TBX18: variants seen among roughly 807,000 people sequenced by gnomAD.
The protein encoded by TBX18 is T-box transcription factor 18.
A neutral mutation model predicts 55.0 loss-of-function variants in TBX18; 21 were observed. The observed-to-expected ratio is 0.38, with a 90% confidence interval of 0.27 to 0.55. TBX18 has a LOEUF of 0.55. Among genes scored for constraint, TBX18 ranks in the 20% least tolerant of loss-of-function variants. TBX18 has a pLI of 0.73. For synonymous variants in TBX18, 342 were observed against 326.1 expected (o/e 1.05, Z -0.53); for missense variants, 840 against 799.6 (o/e 1.05, Z -0.61).
chr6:84,748,484 A>C (rs1210009626), intron 4 of TBX18, among the ~76,000 whole-genome samples: 1 of 152,238 alleles, frequency 6.6e-6, no homozygotes, highest in Non-Finnish European at 1.5e-5. Context: ...TCCCCTAAAA[A>C]ATAAGTATTC....
At chr6:84,760,380 G>A (rs1466324043) in intron 2 of TBX18, 24 bp from the exon 3 acceptor site, 3 of 1,569,632 alleles carry the variant, frequency 1.9e-6, no homozygotes, top group Non-Finnish European at 1.7e-6. Context: ...CGAAGAGAAA[G>A]AGGGTTTGGG....
intron 2 of TBX18, among the ~76,000 whole-genome samples, chr6:84,762,249 T>C (rs1029317980): frequency 2.0e-5 from 3 of 152,096 alleles, no homozygotes; most frequent in Non-Finnish European, 2.9e-5. Context: ...ACCTCAAATT[T>C]ATAACCGCCC....
intron 4 of TBX18, among the ~76,000 whole-genome samples, chr6:84,755,332 C>T (rs1767459436): frequency 6.6e-6 from 1 of 152,004 alleles, no homozygotes; most frequent in South Asian, 2.1e-4. Flanking sequence ...AACTGTAGAA[C>T]TCACAAAAAA....
Position 84,735,567 on chromosome 6 carries a change from C to G in TBX18, c.*1118G>C, listed in dbSNP as rs1418095537. ...AACACCATACAGGCCTAGGAACTAT[C>G]TGTTTTGGGAAAGACTCAGGCAGAC... On this transcript the variant is annotated 3_prime_UTR_variant, in exon 8 of 8. Transcript: ENST00000369663. 6.6e-6 allele frequency: 1 copy of G among 152,152 alleles called. No homozygotes were observed. The highest frequency in any genetic ancestry group is 1.5e-5 in the Non-Finnish European group (1 of 68,038). The allele number at this position is 152,152 out of a possible 1,614,324, so 9.4% of individuals were successfully genotyped here. A position where few individuals can be genotyped will look rare whatever the true frequency, so the allele number is the denominator to read the frequency against.
chr6:84,751,866 C>G (rs1167680654), intron 4 of TBX18, among the ~76,000 whole-genome samples: 1 of 152,138 alleles, frequency 6.6e-6, no homozygotes, highest in Non-Finnish European at 1.5e-5. Context: ...GGGGATGAAC[C>G]ATTTGATTAT....
intron 5 of TBX18, among the ~76,000 whole-genome samples, chr6:84,747,432 A>G (rs1223112263): frequency 6.6e-6 from 1 of 152,218 alleles, no homozygotes. Flanking sequence ...CTCTCAGACT[A>G]TAAGCAAGTT....
intron 4 of TBX18, among the ~76,000 whole-genome samples, chr6:84,751,118 T>C (rs990774391): frequency 3.3e-5 from 5 of 152,088 alleles, no homozygotes; most frequent in East Asian, 3.9e-4. Context: ...AGAAGAAAAA[T>C]TGGAGAAAAG....
chr6:84,763,107 G>GCTCC, intron 1 of TBX18: 1 of 403,560 alleles, frequency 2.5e-6, no homozygotes, highest in Non-Finnish European at 4.6e-6. Flanking sequence ...AGTCAGAGGA[G>GCTCC]CTCCCGGGTC....
chr6:84,741,120 G>A (rs1201048942), intron 6 of TBX18: 2 of 152,130 alleles, frequency 1.3e-5, no homozygotes, highest in Non-Finnish European at 2.9e-5. Context: ...ATATTTTGCA[G>A]GAAACAGTTA....
chr6:84,759,368 T>A (rs1167556830), intron 3 of TBX18, among the ~76,000 whole-genome samples: 1 of 152,110 alleles, frequency 6.6e-6, no homozygotes, highest in Non-Finnish European at 1.5e-5. Flanking sequence ...TGTTTAAACT[T>A]ACTAAAAGCT....
At position 84,736,004 on chromosome 6, in the gene TBX18, C is replaced by T. The variant is rs1410331641; in HGVS notation, c.*681G>A. 1.3e-5 allele frequency: 2 copies of T among 151,816 alleles called. No homozygotes were observed. Among genetic ancestry groups the T allele is most frequent in the South Asian group, 2.1e-4 (1 of 4,824 alleles). The allele number at this position is 151,816 out of a possible 1,614,324, so 9.4% of individuals were successfully genotyped here. On this transcript the variant is annotated 3_prime_UTR_variant, in exon 8 of 8. Transcript: ENST00000369663. The stretch of plus-strand genomic sequence containing the variant: ...CAGATGAATAAGAACCTCTTATGTG[C>T]CCAATGGAAAGTGTAAAAAAAAAAA...
rs748667839 is a variant in TBX18 at position 84,738,575 on chromosome 6, A to G, written c.1021T>C (p.Leu341=). 2 of 1,613,862 alleles carry G rather than the reference A, an allele frequency of 1.2e-6. No homozygotes were observed. Among genetic ancestry groups the G allele is most frequent in the African/African-American group, 1.3e-5 (1 of 74,912 alleles). The change falls in exon 7 of 8, where the codon TTG becomes CTG. Residue 341 remains leucine (L), a synonymous_variant. Coordinates refer to ENST00000369663, the MANE Select transcript of TBX18 (RefSeq NM_001080508.3). The part of the protein sequence containing the change: ...SGRNRMGLEA[L]VESYAFWRPS... ...CGCCAGAATGCATATGATTCCACCA[A>G]GGCTTCCAAACCCATTCTAAATGGA...
chr6:84,746,225 T>C (rs1767181163), intron 5 of TBX18, among the ~76,000 whole-genome samples: 1 of 151,868 alleles, frequency 6.6e-6, no homozygotes, highest in Non-Finnish European at 1.5e-5. Flanking sequence ...AATTTGTGTG[T>C]GAGAGAGAGA....
In TBX18 at chr6:84,744,375, GT is replaced by G. The variant is rs769936489; in HGVS notation, c.940-51del. 3.2e-6 allele frequency: 5 copies of G among 1,551,898 alleles called. No homozygotes were observed. The Admixed American group carries it at 8.7e-5, about 27-fold the overall frequency. ...CAAATCTTATATAAATGTCAAGCAA[GT>G]TTTTACTTGGTTGCAAAACTACAAT... On this transcript the variant is annotated intron_variant, in intron 5 of 7. Transcript: ENST00000369663.
In TBX18 at chr6:84,764,219, A is replaced by G; in HGVS notation, c.-38T>C. 7.2e-7 allele frequency: 1 copy of G among 1,393,094 alleles called. No individual in the cohort carries two copies. The highest frequency in any genetic ancestry group is 9.2e-7 in the Non-Finnish European group (1 of 1,082,490). The allele number at this position is 1,393,094 out of a possible 1,614,324, so 86.3% of individuals were successfully genotyped here. A position where few individuals can be genotyped will look rare whatever the true frequency, so the allele number is the denominator to read the frequency against. On this transcript the variant is annotated 5_prime_UTR_variant, in exon 1 of 8. Transcript: ENST00000369663. Reference sequence around the variant, plus strand: ...GCGCCCGCCCGCCCCTCTCTCATATACACTCACGCGGGCACACGCGCGCTC... The same window carrying G: ...GCGCCCGCCCGCCCCTCTCTCATATGCACTCACGCGGGCACACGCGCGCTC...
chr6:84,763,960 C>G lies in TBX18; in HGVS notation c.222G>C (p.Ala74=). ...KGSSEGDEGA[A]LPPPAGATSG... ...ACGTCGCCCCAGCCGGCGGCGGGAG[C>G]GCAGCGCCTTCGTCTCCCTCAGAAG... is the stretch of plus-strand genomic sequence containing the variant. Residue 74 remains alanine, a synonymous_variant, in exon 1 of 8, where the codon GCG becomes GCC. Coordinates refer to ENST00000369663, the MANE Select transcript of TBX18 (RefSeq NM_001080508.3). 1 of 1,580,062 alleles carries G rather than the reference C, an allele frequency of 6.3e-7. No individual in the cohort carries two copies. The highest frequency in any genetic ancestry group is 8.6e-7 in the Non-Finnish European group (1 of 1,169,046).
chr6:84,738,326 G>GT (rs1263727840), intron 7 of TBX18, among the ~76,000 whole-genome samples, 171 bp downstream of exon 7: 3 of 152,140 alleles, frequency 2.0e-5, no homozygotes, highest in African/African-American at 7.2e-5. Flanking sequence ...CATGAGAGCC[G>GT]TTTTTTCCTG....
At chr6:84,741,491 G>A (rs1192153550) in intron 6 of TBX18, 1 of 152,150 alleles carries the variant, frequency 6.6e-6, no homozygotes, top group Non-Finnish European at 1.5e-5. Flanking sequence ...CAAATGTCTT[G>A]CAGGAGAGCT....
intron 4 of TBX18, among the ~76,000 whole-genome samples, chr6:84,749,374 T>C (rs933817003): frequency 6.6e-6 from 1 of 152,222 alleles, no homozygotes; most frequent in Non-Finnish European, 1.5e-5. Flanking sequence ...ATAAGACACA[T>C]TCAGAATATT....
Sources: allele counts gnomAD v4.1 joint callset (sites outside exome capture counted in the v4.1 genomes callset), GRCh38; gene constraint gnomAD v4.1.1; transcripts MANE v1.5; gene names NCBI Gene and HGNC (gene_info 2026-07-23, HGNC 2026-07-21).